Variants in ICOS observed in about 807,000 individuals in gnomAD.
ICOS encodes inducible T cell costimulator, also known as inducible T-cell costimulator.
Under a neutral mutation model 24.6 loss-of-function variants are expected in ICOS, and 15 were observed. The ratio of observed to expected loss-of-function variants is 0.61; its 90% CI spans 0.41 to 0.94. ICOS has a LOEUF of 0.94. ICOS is among the 40% of genes least tolerant of loss of function. The pLI, the probability that ICOS is intolerant of heterozygous loss-of-function variation, is 0.00. For synonymous variants in ICOS, 89 were observed against 77.5 expected (o/e 1.15, Z -0.78); for missense variants, 200 against 233.0 (o/e 0.86, Z 0.92).
chr2:203,947,070 T>C (rs1689883404), intron 1 of ICOS, among the ~76,000 whole-genome samples: 1 of 152,174 alleles, frequency 6.6e-6, no homozygotes. Flanking sequence ...ACTGGTGAAA[T>C]GAAGTAGTCC....
chr2:203,941,992 G>T (rs1004142456), intron 1 of ICOS, among the ~76,000 whole-genome samples: 2 of 151,864 alleles, frequency 1.3e-5, no homozygotes, highest in East Asian at 3.9e-4. Flanking sequence ...TTTGCTTGAG[G>T]AAAAAAAAGA....
chr2:203,946,777 C>G (rs1264691589), intron 1 of ICOS, among the ~76,000 whole-genome samples: 1 of 152,082 alleles, frequency 6.6e-6, no homozygotes, highest in African/African-American at 2.4e-5. Flanking sequence ...ATGTGCTGTG[C>G]TAAGCTAACA....
intron 1 of ICOS, among the ~76,000 whole-genome samples, chr2:203,941,093 G>A (rs1025165805): frequency 2.6e-5 from 4 of 152,122 alleles, no homozygotes; most frequent in Admixed American, 6.5e-5. Context: ...ACCGCGCCCC[G>A]CTGTTCTATT....
At chr2:203,939,874 A>T (rs1689733061) in intron 1 of ICOS, among the ~76,000 whole-genome samples, 1 of 151,964 alleles carries the variant, frequency 6.6e-6, no homozygotes, top group South Asian at 2.1e-4. Flanking sequence ...CCAGTTGTCA[A>T]TTTTTTCTTT....
chr2:203,938,941 T>C (rs1457985111), intron 1 of ICOS, among the ~76,000 whole-genome samples: 3 of 152,180 alleles, frequency 2.0e-5, no homozygotes, highest in Non-Finnish European at 4.4e-5. Context: ...TTAAAATATC[T>C]CCACAATGCA....
At chr2:203,941,179 C>T (rs539503066) in intron 1 of ICOS, among the ~76,000 whole-genome samples, 1 of 152,176 alleles carries the variant, frequency 6.6e-6, no homozygotes, top group Non-Finnish European at 1.5e-5. Context: ...TCATTTCAGT[C>T]ATTTTTTTCC....
chr2:203,940,305 T>C (rs1689741010), intron 1 of ICOS, among the ~76,000 whole-genome samples: 1 of 152,238 alleles, frequency 6.6e-6, no homozygotes, highest in Admixed American at 6.5e-5. Flanking sequence ...TTGCAGATCA[T>C]TGCTAGGTTT....
In ICOS at chr2:203,960,043, G is replaced by T. The variant is rs1026169950; in HGVS notation, c.*444G>T. On this transcript the variant is annotated 3_prime_UTR_variant, in exon 5 of 5. Transcript: ENST00000316386. ...CTACCTCTTCTTTCTGTAGGGATGA[G>T]AATTCCTCTTTTAATCAGTCAAGGG... is the stretch of plus-strand genomic sequence containing the variant. 6.7e-6 allele frequency: 2 copies of T among 300,074 alleles called. No homozygotes were observed. The highest frequency in any genetic ancestry group is 1.3e-5 in the Non-Finnish European group (2 of 153,978). 18.6% of individuals were successfully genotyped at this position (300,074 alleles called of 1,614,324 possible). A position where few individuals can be genotyped will look rare whatever the true frequency, so the allele number is the denominator to read the frequency against.
intron 1 of ICOS, among the ~76,000 whole-genome samples, chr2:203,939,501 G>A (rs187152723): frequency 1.3e-5 from 2 of 152,264 alleles, no homozygotes; most frequent in Admixed American, 1.3e-4. Context: ...GACCATATGA[G>A]TGATGGGACA....
intron 1 of ICOS, among the ~76,000 whole-genome samples, chr2:203,938,448 G>A (rs1166919176): frequency 6.6e-6 from 1 of 152,226 alleles, no homozygotes; most frequent in African/African-American, 2.4e-5. Context: ...AGAGGGAAGA[G>A]GCTGAGCTTG....
chr2:203,942,791 G>A (rs191617719), intron 1 of ICOS, among the ~76,000 whole-genome samples: 3 of 152,206 alleles, frequency 2.0e-5, no homozygotes, highest in Non-Finnish European at 2.9e-5. Flanking sequence ...TGAGAGGATT[G>A]GACTAGATTA....
rs1360705806 is a variant in ICOS at position 203,936,823 on chromosome 2, A to C, written c.9A>C (p.Ser3=). The C allele has an allele frequency of 3.7e-6, 6 of 1,613,024 alleles. No individual in the cohort carries two copies. In the Admixed American group the frequency reaches 8.3e-5, roughly 22 times the overall value. ...AACTGTTTCTGGCAAACATGAAGTC[A>C]GGCCTCTGGTATTTCTTTCTCTTCT... The part of the protein sequence containing the change: MK[S]GLWYFFLFCL... Residue 3 remains serine (S), a synonymous_variant, in exon 1 of 5, where the codon TCA becomes TCC. Transcript: ENST00000316386.
chr2:203,952,697 G>A lies in ICOS; in HGVS notation c.59-2939G>A, dbSNP rs573332931. Among the ~76,000 whole-genome samples, 5 of 152,126 alleles carry A rather than the reference G, an allele frequency of 3.3e-5. No homozygotes were observed. In the South Asian group the frequency reaches 8.3e-4, roughly 25 times the overall value. On this transcript the variant is annotated intron_variant, in intron 1 of 4. Coordinates refer to ENST00000316386, the MANE Select transcript of ICOS (RefSeq NM_012092.4). The stretch of plus-strand genomic sequence containing the variant: ...CAGTGCATTTTTTTGGCCGATTCTT[G>A]TAGGTTCTTTTTCAAATTAGTTGAC...
At position 203,960,589 on chromosome 2, in the gene ICOS, G is replaced by T. The variant is rs1372064098; in HGVS notation, c.*990G>T. On this transcript the variant is annotated 3_prime_UTR_variant, in exon 5 of 5. Coordinates refer to ENST00000316386, the MANE Select transcript of ICOS (RefSeq NM_012092.4). ...TCTTTTTGTAGATCATATTAAAATT[G>T]CAAACAAAATCATCTTTAATGGGCC... 1 of 152,138 alleles carries T rather than the reference G, an allele frequency of 6.6e-6. No homozygotes were observed. Among genetic ancestry groups the T allele is most frequent in the South Asian group, 2.1e-4 (1 of 4,824 alleles). The allele number at this position is 152,138 out of a possible 1,614,324, so 9.4% of individuals were successfully genotyped here. A position where few individuals can be genotyped will look rare whatever the true frequency, so the allele number is the denominator to read the frequency against.
chr2:203,944,140 C>A (rs1015864463), intron 1 of ICOS, among the ~76,000 whole-genome samples: 1 of 152,154 alleles, frequency 6.6e-6, no homozygotes, highest in East Asian at 1.9e-4. Context: ...TTCACGGCCT[C>A]CCCCCAGTTC....
At chr2:203,955,339 G>A (rs767116911) in intron 1 of ICOS, among the ~76,000 whole-genome samples, 5 of 151,922 alleles carry the variant, frequency 3.3e-5, no homozygotes, top group African/African-American at 7.3e-5. Flanking sequence ...AGCTACCAAA[G>A]GACAGAGGCC....
chr2:203,959,067 G>A lies in ICOS; in HGVS notation c.587-519G>A, dbSNP rs117011449. 7.3e-4 allele frequency among the ~76,000 whole-genome samples: 111 copies of A among 152,304 alleles called. 1 individual carries two copies. In the East Asian group the frequency reaches 0.019, roughly 26 times the overall value. ...AGGCCTGACTTCATTGGACCTCTGA[G>A]AAGTGTACAGATGCCTCCCAGAATC... On this transcript the variant is annotated intron_variant, in intron 4 of 4. Transcript: ENST00000316386.
chr2:203,940,143 A>T (rs967225121), intron 1 of ICOS, among the ~76,000 whole-genome samples: 1 of 152,192 alleles, frequency 6.6e-6, no homozygotes. Flanking sequence ...TATGAAAATA[A>T]TGAAAATGCC....
At chr2:203,947,069 A>G (rs985271519) in intron 1 of ICOS, among the ~76,000 whole-genome samples, 1 of 152,192 alleles carries the variant, frequency 6.6e-6, no homozygotes, top group Non-Finnish European at 1.5e-5. Context: ...TACTGGTGAA[A>G]TGAAGTAGTC....
Sources: gnomAD v4.1 joint callset for allele counts (sites outside exome capture counted in the v4.1 genomes callset) on GRCh38, gnomAD v4.1.1 for gene constraint, MANE v1.5 for transcripts, NCBI Gene and HGNC (gene_info 2026-07-23, HGNC 2026-07-21) for gene names.